Variants in STXBP4 observed in about 807,000 individuals in gnomAD.
STXBP4 encodes syntaxin binding protein 4, also known as syntaxin-binding protein 4.
Under a neutral mutation model 76.1 loss-of-function variants are expected in STXBP4, and 55 were observed. The ratio of observed to expected loss-of-function variants is 0.72; its 90% confidence interval spans 0.58 to 0.91. The LOEUF is 0.91. STXBP4 is among the 40% of genes least tolerant of loss of function. STXBP4 has a pLI of 0.00. For missense variants in STXBP4, 618 were observed against 636.9 expected, an observed-to-expected ratio of 0.97 and a Z score of 0.32; for synonymous variants, 201 against 220.2, an observed-to-expected ratio of 0.91 and a Z score of 0.77.
intron 17 of STXBP4, among the ~76,000 whole-genome samples, chr17:55,146,179 T>G (rs1230364231): frequency 1.3e-5 from 2 of 152,250 alleles, no homozygotes; most frequent in African/African-American, 2.4e-5. Context: ...CTAATTGCTT[T>G]TTTGTATCCT....
intron 12 of STXBP4, among the ~76,000 whole-genome samples, chr17:55,070,860 A>G (rs112473506): frequency 6.6e-6 from 1 of 151,822 alleles, no homozygotes. Flanking sequence ...TCTTTTCTTC[A>G]TCCATTTATC....
At chr17:55,043,969 C>G in intron 11 of STXBP4, 1 of 234,976 alleles carries the variant, frequency 4.3e-6, no homozygotes, top group Non-Finnish European at 8.2e-6. Flanking sequence ...CCACCTCAAC[C>G]TCCCAAGTAA....
chr17:55,087,362 G>A (rs1410285893), intron 16 of STXBP4, among the ~76,000 whole-genome samples: 2 of 152,052 alleles, frequency 1.3e-5, no homozygotes, highest in East Asian at 3.9e-4. Flanking sequence ...TTGTCTTGAA[G>A]TGTTTCCCCT....
At chr17:54,989,977 A>T (rs1012370021) in intron 3 of STXBP4, among the ~76,000 whole-genome samples, 2 of 152,238 alleles carry the variant, frequency 1.3e-5, no homozygotes, top group African/African-American at 4.8e-5. Context: ...AAAGCTACTT[A>T]AAATATTTAG....
At chr17:55,049,363 A>G (rs558434548) in intron 12 of STXBP4, among the ~76,000 whole-genome samples, 2 of 152,116 alleles carry the variant, frequency 1.3e-5, no homozygotes, top group Middle Eastern at 6.8e-3. Flanking sequence ...GAGTCAGTGC[A>G]TGGATGAAAA....
intron 16 of STXBP4, among the ~76,000 whole-genome samples, chr17:55,083,884 A>G (rs561938848): frequency 9.2e-5 from 14 of 152,242 alleles, no homozygotes; most frequent in African/African-American, 2.9e-4. Flanking sequence ...CATCAATGCA[A>G]ATTTGAGGGG....
intron 8 of STXBP4, among the ~76,000 whole-genome samples, chr17:55,010,287 T>C (rs1266949933): frequency 6.6e-6 from 1 of 151,986 alleles, no homozygotes; most frequent in Non-Finnish European, 1.5e-5. Flanking sequence ...CATATATATG[T>C]TCAGACATAT....
chr17:55,119,055 A>G (rs548972322), intron 16 of STXBP4, among the ~76,000 whole-genome samples: 10 of 151,692 alleles, frequency 6.6e-5, no homozygotes, highest in African/African-American at 2.2e-4. Flanking sequence ...TGCTGCACCC[A>G]TTAACTCGTC....
rs1411914535 is a variant in STXBP4, at chr17:55,171,357, T to C, written c.*11446T>C. The C allele has an allele frequency of 6.6e-6, 1 of 152,226 alleles. No homozygotes were observed. Among genetic ancestry groups the C allele is most frequent in the Non-Finnish European group, 1.5e-5 (1 of 68,036 alleles). 9.4% of individuals were successfully genotyped at this position (152,226 alleles called of 1,614,324 possible). A position where few individuals can be genotyped will look rare whatever the true frequency, so the allele number is the denominator to read the frequency against. ...CAAAGCACCCCTGGCCAATAGCTCA[T>C]CAAGATTTTGCTTAGATATTCTTAT... On this transcript the variant is annotated 3_prime_UTR_variant, in exon 18 of 18. Transcript: ENST00000376352.
At position 55,043,226 on chromosome 17, in the gene STXBP4, A is replaced by C. The variant is rs1448660762; in HGVS notation, c.856-10A>C. 2.1e-6 allele frequency: 3 copies of C among 1,446,586 alleles called. No homozygotes were observed. In the East Asian group the frequency reaches 7.4e-5, roughly 36 times the overall value. 89.6% of individuals were successfully genotyped at this position (1,446,586 alleles called of 1,614,324 possible). A position where few individuals can be genotyped will look rare whatever the true frequency, so the allele number is the denominator to read the frequency against. ...TGCACAACTTTTCTCTTATATTTTA[A>C]TGTTGATAGCTTCTTCCTTGTGATT... On this transcript the variant is annotated splice_polypyrimidine_tract_variant and intron_variant, in intron 10 of 17. Coordinates refer to ENST00000376352, the MANE Select transcript of STXBP4 (RefSeq NM_178509.6).
In STXBP4 at chr17:55,170,623, A is replaced by G. The variant is rs2145214904; in HGVS notation, c.*10712A>G. The G allele has an allele frequency of 6.6e-6, 1 of 152,278 alleles. No individual in the cohort carries two copies. The highest frequency in any genetic ancestry group is 1.5e-5 in the Non-Finnish European group (1 of 68,014). 9.4% of individuals were successfully genotyped at this position (152,278 alleles called of 1,614,324 possible). On this transcript the variant is annotated 3_prime_UTR_variant, in exon 18 of 18. Coordinates refer to ENST00000376352, the MANE Select transcript of STXBP4 (RefSeq NM_178509.6). The stretch of plus-strand genomic sequence containing the variant: ...ATATTTTCTAGGATTATTTTGCTTT[A>G]GAATTCTATGTATAATCCTGTGAAA...
At chr17:55,041,392 A>AT (rs1214598572) in intron 10 of STXBP4, among the ~76,000 whole-genome samples, 1 of 151,740 alleles carries the variant, frequency 6.6e-6, no homozygotes, top group Non-Finnish European at 1.5e-5. Context: ...AATTTTGTTT[A>AT]TTTTTTGTAG....
intron 3 of STXBP4, among the ~76,000 whole-genome samples, chr17:54,988,776 A>G (rs1424145013): frequency 6.6e-6 from 1 of 152,110 alleles, no homozygotes; most frequent in African/African-American, 2.4e-5. Context: ...GTCTCAAAAA[A>G]AGAAAAAAAA....
intron 16 of STXBP4, among the ~76,000 whole-genome samples, chr17:55,129,153 C>T (rs1198280301): frequency 6.6e-6 from 1 of 151,918 alleles, no homozygotes; most frequent in Admixed American, 6.6e-5. Context: ...TGGTCTCGAT[C>T]TCTTCACCTT....
intron 8 of STXBP4, among the ~76,000 whole-genome samples, chr17:55,017,161 T>A (rs1213660257): frequency 6.6e-6 from 1 of 152,150 alleles, no homozygotes; most frequent in Admixed American, 6.5e-5. Flanking sequence ...GGCACACTGG[T>A]TTTTTACTAT....
At chr17:55,182,584 ATATAT>A in the STXBP4 span, among the ~76,000 whole-genome samples, 5 of 152,182 alleles carry the variant, frequency 3.3e-5, no homozygotes, top group African/African-American at 1.2e-4. Context: ...AACTGATGTA[ATATAT>A]TAAGCCATAA....
intron 1 of STXBP4, among the ~76,000 whole-genome samples, chr17:54,969,924 C>G (rs188435935): frequency 2.6e-5 from 4 of 152,082 alleles, no homozygotes; most frequent in African/African-American, 7.2e-5. Context: ...ACAATCAGTG[C>G]AGTGAAGACA....
At position 55,067,310 on chromosome 17, in the gene STXBP4, A is replaced by G. The variant is rs544255391; in HGVS notation, c.1012-5590A>G. 2.9e-4 allele frequency among the ~76,000 whole-genome samples: 44 copies of G among 152,334 alleles called. 1 individual carries two copies. The highest frequency in any genetic ancestry group is 6.8e-3 in the Middle Eastern group (2 of 294). Reference sequence around the variant, plus strand: ...ATTACAGACGACAAATCTAAAAGATAAAAAAGGAGAGAAAGATCATTTATA... The same window carrying G: ...ATTACAGACGACAAATCTAAAAGATGAAAAAGGAGAGAAAGATCATTTATA... On this transcript the variant is annotated intron_variant, in intron 12 of 17. Coordinates refer to ENST00000376352, the MANE Select transcript of STXBP4 (RefSeq NM_178509.6).
rs182771967 is a variant in STXBP4 at position 55,155,675 on chromosome 17, C to T, written c.1548-4122C>T. Among the ~76,000 whole-genome samples, 9 of 152,120 alleles carry T rather than the reference C, an allele frequency of 5.9e-5. No individual in the cohort carries two copies. The South Asian group carries it at 6.2e-4, about 11-fold the overall frequency. On this transcript the variant is annotated intron_variant, in intron 17 of 17. Transcript: ENST00000376352. The stretch of plus-strand genomic sequence containing the variant: ...AAAGAATGTCTTTCATCATCACAGA[C>T]GGTTATAAGAATGAATTTCTACAGA...
Sources: allele counts gnomAD v4.1 joint callset (sites outside exome capture counted in the v4.1 genomes callset), GRCh38; gene constraint gnomAD v4.1.1; transcripts MANE v1.5; gene names NCBI Gene and HGNC (gene_info 2026-07-23, HGNC 2026-07-21).